The following MDFIC2 variants were observed in gnomAD, a reference collection of about 807,000 sequenced individuals.
MDFIC2 encodes MyoD family inhibitor domain containing 2, also known as myoD family inhibitor domain-containing protein 2.
intron 2 of MDFIC2, among the ~76,000 whole-genome samples, chr3:70,219,183 G>A (rs1452929575): frequency 1.3e-5 from 2 of 152,106 alleles, no homozygotes; most frequent in Admixed American, 6.6e-5. Flanking sequence ...TAAAAATATG[G>A]AAAAACAAGA....
intron 2 of MDFIC2, among the ~76,000 whole-genome samples, chr3:70,232,640 C>A (rs1032035436): frequency 2.0e-5 from 3 of 151,976 alleles, no homozygotes; most frequent in Non-Finnish European, 4.4e-5. Flanking sequence ...GCTCGTGATC[C>A]GCCCGCCTCA....
At chr3:70,225,435 A>G (rs1371110743) in intron 2 of MDFIC2, among the ~76,000 whole-genome samples, 2 of 152,144 alleles carry the variant, frequency 1.3e-5, no homozygotes, top group African/African-American at 4.8e-5. Context: ...CTTTTTTTAT[A>G]GTGTTCTTTA....
intron 3 of MDFIC2, among the ~76,000 whole-genome samples, chr3:70,198,415 C>A (rs1701202371): frequency 6.6e-6 from 1 of 152,072 alleles, no homozygotes. Context: ...CCAGAAAGCT[C>A]TTTTCTTTCA....
intron 2 of MDFIC2, among the ~76,000 whole-genome samples, chr3:70,285,905 G>C (rs1021192665): frequency 1.3e-5 from 2 of 151,354 alleles, no homozygotes; most frequent in African/African-American, 4.9e-5. Flanking sequence ...TGATGGGGTT[G>C]TTTGTTTTTT....
At chr3:70,247,311 C>T (rs1181030190) in intron 2 of MDFIC2, among the ~76,000 whole-genome samples, 1 of 151,904 alleles carries the variant, frequency 6.6e-6, no homozygotes, top group Non-Finnish European at 1.5e-5. Flanking sequence ...GGCTGTGTTT[C>T]TCTGGCAGTA....
At chr3:70,293,071 AG>A (rs1702254729) in intron 2 of MDFIC2, among the ~76,000 whole-genome samples, 1 of 145,972 alleles carries the variant, frequency 6.9e-6, no homozygotes, top group African/African-American at 2.5e-5. Flanking sequence ...AAAAAAAAAA[AG>A]TAGCATATTA....
At chr3:70,231,155 T>C (rs1434779253) in intron 2 of MDFIC2, among the ~76,000 whole-genome samples, 7 of 152,226 alleles carry the variant, frequency 4.6e-5, no homozygotes, top group African/African-American at 1.7e-4. Flanking sequence ...GTGAAAAATA[T>C]TATTGCCTGA....
intron 2 of MDFIC2, among the ~76,000 whole-genome samples, chr3:70,255,751 C>T (rs1701809710): frequency 6.6e-6 from 1 of 152,248 alleles, no homozygotes; most frequent in Middle Eastern, 3.4e-3. Context: ...TCCCCCGTAC[C>T]CAGCCAGGGG....
chr3:70,309,460 T>C (rs1235001072), intron 2 of MDFIC2, among the ~76,000 whole-genome samples: 1 of 152,088 alleles, frequency 6.6e-6, no homozygotes, highest in Non-Finnish European at 1.5e-5. Context: ...AGAGAAGTAA[T>C]GAAATCACAT....
chr3:70,295,749 G>A (rs1377079256), intron 2 of MDFIC2, among the ~76,000 whole-genome samples: 1 of 152,108 alleles, frequency 6.6e-6, no homozygotes, highest in Non-Finnish European at 1.5e-5. Context: ...TTAAAGTGCT[G>A]TATCTTTTGA....
chr3:70,279,011 G>C (rs1702055426), intron 2 of MDFIC2, among the ~76,000 whole-genome samples: 1 of 151,176 alleles, frequency 6.6e-6, no homozygotes, highest in Non-Finnish European at 1.5e-5. Context: ...TCTATATGTA[G>C]ATGCCTATCA....
At chr3:70,210,707 A>G (rs1171106572) in intron 2 of MDFIC2, among the ~76,000 whole-genome samples, 2 of 152,132 alleles carry the variant, frequency 1.3e-5, no homozygotes, top group African/African-American at 4.8e-5. Context: ...ACATTAATTT[A>G]GAGAAAATAA....
intron 2 of MDFIC2, among the ~76,000 whole-genome samples, chr3:70,263,385 G>A (rs913741107): frequency 6.6e-6 from 1 of 152,080 alleles, no homozygotes; most frequent in Non-Finnish European, 1.5e-5. Context: ...TTTAGGGTAG[G>A]TCTATAGGAA....
intron 2 of MDFIC2, among the ~76,000 whole-genome samples, chr3:70,212,253 A>T (rs765898221): frequency 6.6e-6 from 1 of 152,136 alleles, no homozygotes; most frequent in Non-Finnish European, 1.5e-5. Context: ...AGTAATCACA[A>T]ATTACAGCTT....
At chr3:70,216,753 C>T (rs1441927306) in intron 2 of MDFIC2, among the ~76,000 whole-genome samples, 1 of 152,134 alleles carries the variant, frequency 6.6e-6, no homozygotes, top group African/African-American at 2.4e-5. Context: ...TACCTGACAT[C>T]AAAAACAGTG....
At chr3:70,278,635 G>T (rs1474200051) in intron 2 of MDFIC2, among the ~76,000 whole-genome samples, 1 of 152,042 alleles carries the variant, frequency 6.6e-6, no homozygotes, top group East Asian at 1.9e-4. Flanking sequence ...AAATATACTT[G>T]GCTCTAGAAT....
intron 2 of MDFIC2, among the ~76,000 whole-genome samples, chr3:70,251,456 T>C (rs1202966324): frequency 3.3e-5 from 5 of 152,092 alleles, no homozygotes; most frequent in African/African-American, 4.8e-5. Context: ...TAATAGTGGG[T>C]ATATATTAGA....
intron 2 of MDFIC2, among the ~76,000 whole-genome samples, chr3:70,230,971 C>T (rs1194255797): frequency 2.0e-5 from 3 of 152,182 alleles, no homozygotes; most frequent in East Asian, 3.9e-4. Flanking sequence ...CGCAGTGATT[C>T]CCTGCTCCAG....
intron 2 of MDFIC2, among the ~76,000 whole-genome samples, chr3:70,216,637 A>G (rs1701414939): frequency 6.6e-6 from 1 of 152,130 alleles, no homozygotes; most frequent in African/African-American, 2.4e-5. Context: ...TGTATTATAG[A>G]TGTTACCGTT....
Sources: allele counts gnomAD v4.1 joint callset (sites outside exome capture counted in the v4.1 genomes callset), GRCh38; gene constraint gnomAD v4.1.1; transcripts MANE v1.5; gene names NCBI Gene and HGNC (gene_info 2026-07-23, HGNC 2026-07-21).